The following USP8 variants were observed in gnomAD, a reference collection of about 807,000 sequenced individuals.
USP8 encodes ubiquitin specific peptidase 8.
Under a neutral mutation model 130.0 loss-of-function variants are expected in USP8, and 27 were observed. The ratio of observed to expected loss-of-function variants is 0.21; its 90% CI spans 0.15 to 0.29. USP8 has a LOEUF of 0.29. Ranked by LOEUF, USP8 falls within the 10% of genes least tolerant of loss-of-function variation. The pLI is 1.00. For synonymous variants in USP8, 392 were observed against 444.1 expected (o/e 0.88, Z 1.48); for missense variants, 1,029 against 1,312.2 (o/e 0.78, Z 3.33).
At chr15:50,483,052 G>A (rs1248612606) in intron 11 of USP8, among the ~76,000 whole-genome samples, 1 of 152,156 alleles carries the variant, frequency 6.6e-6, no homozygotes, top group Non-Finnish European at 1.5e-5. Context: ...TTCACAGGAG[G>A]AGCAAAACAT....
At chr15:50,469,130 A>G (rs921151592) in intron 7 of USP8, among the ~76,000 whole-genome samples, 2 of 152,106 alleles carry the variant, frequency 1.3e-5, no homozygotes, top group African/African-American at 4.8e-5. Context: ...GTTCATTCTC[A>G]TTGCCATATG....
intron 12 of USP8, among the ~76,000 whole-genome samples, chr15:50,488,893 A>AT (rs2052059599): frequency 6.6e-6 from 1 of 151,472 alleles, no homozygotes; most frequent in Admixed American, 6.6e-5. Context: ...AATTTTAAAA[A>AT]TTTTTTTATA....
chr15:50,463,952 C>T (rs1241676046), intron 6 of USP8, among the ~76,000 whole-genome samples: 1 of 152,182 alleles, frequency 6.6e-6, no homozygotes, highest in Non-Finnish European at 1.5e-5. Flanking sequence ...ATTAGCTTTA[C>T]TTAGTTTCCT....
rs1239212482 is a variant in USP8 at position 50,501,903 on chromosome 15, G to C, written c.*2815G>C. On this transcript the variant is annotated 3_prime_UTR_variant, in exon 20 of 20. Transcript: ENST00000307179. The stretch of plus-strand genomic sequence containing the variant: ...TGTGAAAATTTTATGAAATTCAAAT[G>C]TCAATGTCCTTAAAGTTTTATGGGA... 1 of 152,144 alleles carries C rather than the reference G, an allele frequency of 6.6e-6. No individual in the cohort carries two copies. The highest frequency in any genetic ancestry group is 2.4e-5 in the African/African-American group (1 of 41,432). The allele number at this position is 152,144 out of a possible 1,614,324, so 9.4% of individuals were successfully genotyped here.
In USP8 at chr15:50,506,652, T is replaced by G. The variant is rs1363584644; in HGVS notation, c.*7564T>G. On this transcript the variant is annotated 3_prime_UTR_variant, in exon 20 of 20. Coordinates refer to ENST00000307179, the MANE Select transcript of USP8 (RefSeq NM_005154.5). ...GGGATGTAGTAAATTTACCAAATAT[T>G]TACTGGATTTTAAATATCCAGTTCT... The G allele has an allele frequency of 6.6e-6, 1 of 152,124 alleles. No homozygotes were observed. The highest frequency in any genetic ancestry group is 1.5e-5 in the Non-Finnish European group (1 of 68,032). The allele number at this position is 152,124 out of a possible 1,614,324, so 9.4% of individuals were successfully genotyped here.
Position 50,424,415 on chromosome 15 carries a change from G to A in USP8, c.-165G>A, listed in dbSNP as rs946967556. The A allele has an allele frequency of 7.5e-6, 3 of 398,604 alleles. No homozygotes were observed. The highest frequency in any genetic ancestry group is 1.3e-5 in the Non-Finnish European group (3 of 226,122). 24.7% of individuals were successfully genotyped at this position (398,604 alleles called of 1,614,324 possible). ...TCGGGAAAAGGGGGTGAGCTGGGCT[G>A]GCTTCCGTCCTGGTAGCCAAGGCTA... On this transcript the variant is annotated 5_prime_UTR_variant, in exon 1 of 20. Transcript: ENST00000307179.
intron 15 of USP8, chr15:50,493,149 G>A (rs560150015): frequency 1.7e-6 from 1 of 599,416 alleles, no homozygotes; most frequent in South Asian, 1.5e-5. Context: ...AAGCGAAAGA[G>A]GACAGACTCG....
At chr15:50,450,523 G>A (rs1446980614) in intron 4 of USP8, among the ~76,000 whole-genome samples, 1 of 137,328 alleles carries the variant, frequency 7.3e-6, no homozygotes, top group African/African-American at 2.8e-5. Flanking sequence ...CCAGGCTGGA[G>A]TACAATGGCC....
chr15:50,471,895 A>G lies in USP8; in HGVS notation c.849+100A>G, dbSNP rs1308670505. ...GTTTATCTTAAATACTAAAAGATTC[A>G]TCATGCCTTTTTTTTTTTTTTTTGA... On this transcript the variant is annotated intron_variant, in intron 8 of 19. Coordinates refer to ENST00000307179, the MANE Select transcript of USP8 (RefSeq NM_005154.5). 4.6e-6 allele frequency: 6 copies of G among 1,295,650 alleles called. No homozygotes were observed. In the East Asian group the frequency reaches 7.2e-5, roughly 16 times the overall value. The allele number at this position is 1,295,650 out of a possible 1,614,324, so 80.3% of individuals were successfully genotyped here.
At chr15:50,457,387 AC>A (rs2050825166) in intron 4 of USP8, among the ~76,000 whole-genome samples, 1 of 150,786 alleles carries the variant, frequency 6.6e-6, no homozygotes, top group African/African-American at 2.4e-5. Context: ...GTGAAACCCC[AC>A]CTCTACTAAA....
At chr15:50,493,549 T>A (rs1432091241) in intron 15 of USP8, 5 of 508,126 alleles carry the variant, frequency 9.8e-6, no homozygotes, top group Non-Finnish European at 2.0e-5. Flanking sequence ...GGCCCAGGAG[T>A]TTGAGACCAG....
intron 4 of USP8, among the ~76,000 whole-genome samples, chr15:50,456,504 G>A (rs1301268043): frequency 6.6e-6 from 1 of 150,772 alleles, no homozygotes; most frequent in East Asian, 2.0e-4. Flanking sequence ...AACCTGAGAT[G>A]CAGAGGTTTC....
At chr15:50,471,552 G>A in intron 7 of USP8, 81 bp from the exon 8 acceptor site, 1 of 1,497,206 alleles carries the variant, frequency 6.7e-7, no homozygotes, top group Non-Finnish European at 9.0e-7. Flanking sequence ...AAAGACTGTG[G>A]AACAAAACTG....
At chr15:50,451,674 C>T (rs1406246268) in intron 4 of USP8, among the ~76,000 whole-genome samples, 2 of 152,192 alleles carry the variant, frequency 1.3e-5, no homozygotes, top group African/African-American at 4.8e-5. Context: ...CAGCCTCCTG[C>T]CCCATGTTGG....
chr15:50,434,521 A>AT (rs912427877), intron 1 of USP8, among the ~76,000 whole-genome samples: 7 of 151,290 alleles, frequency 4.6e-5, no homozygotes, highest in African/African-American at 1.5e-4. Context: ...AAGAATTTTT[A>AT]TTTTTTGTTG....
At chr15:50,455,236 C>T (rs2050754301) in intron 4 of USP8, among the ~76,000 whole-genome samples, 1 of 151,082 alleles carries the variant, frequency 6.6e-6, no homozygotes, top group African/African-American at 2.4e-5. Context: ...CCACCAGGCC[C>T]AGTTAGTTTT....
chr15:50,455,717 T>C (rs1282808177), intron 4 of USP8, among the ~76,000 whole-genome samples: 2 of 152,192 alleles, frequency 1.3e-5, no homozygotes, highest in African/African-American at 4.8e-5. Context: ...AACTTGGCTA[T>C]ACTCAAACGT....
chr15:50,496,931 C>A, intron 17 of USP8, 158 bp from the exon 18 acceptor site: 2 of 877,240 alleles, frequency 2.3e-6, no homozygotes, highest in Non-Finnish European at 3.4e-6. Flanking sequence ...CTTGTCTATG[C>A]TTCTCACTAG....
rs772952784 is a variant in USP8, at chr15:50,481,973, A to G, written c.1711A>G (p.Arg571Gly). The G allele has an allele frequency of 1.1e-5, 17 of 1,599,668 alleles. No homozygotes were observed. In the African/African-American group the frequency reaches 2.0e-4, roughly 19 times the overall value. The change falls in exon 11 of 20, where the codon AGG becomes GGG. Residue 571 changes from arginine (R) to glycine (G), a missense_variant. By Grantham distance (125) the Arg-to-Gly change is moderately radical. Around this residue, in one of 4 missense-constraint regions of USP8, gnomAD observed 486 missense variants for 522.0 expected, o/e 0.93. Transcript: ENST00000307179. ...TGATGCCAAGAAATCTGTAGAAGAT[A>G]GGGGGAAAAGGTGTCCAACCCCAGA... ...TSDAKKSVEDRGKRCPTPEIQ... is the reference protein window; with the variant it reads ...TSDAKKSVEDGGKRCPTPEIQ...
Sources: gnomAD v4.1 joint callset for allele counts (sites outside exome capture counted in the v4.1 genomes callset) on GRCh38, gnomAD v4.1.1 for gene constraint, gnomAD v4.1.1 regional missense constraint, MANE v1.5 for transcripts, NCBI Gene and HGNC (gene_info 2026-07-23, HGNC 2026-07-21) for gene names.